IL15: variants seen among roughly 807,000 people sequenced by gnomAD.
IL15 encodes interleukin 15, also known as interleukin-15.
In IL15, 11 loss-of-function variants were observed where a neutral mutation model predicts 19.6. That is an observed-to-expected ratio of 0.56 (90% CI 0.35 to 0.93). The LOEUF (loss-of-function observed/expected upper bound fraction) is 0.93, where lower values mean the gene tolerates loss of function less well. Ranked by LOEUF, IL15 falls within the 40% of genes least tolerant of loss-of-function variation. IL15 has a pLI of 0.01. For synonymous variants in IL15, 58 were observed against 59.6 expected (o/e 0.97, Z 0.12); for missense variants, 197 against 186.5 (o/e 1.06, Z -0.33).
intron 2 of IL15, among the ~76,000 whole-genome samples, chr4:141,702,168 G>T (rs1475041627): frequency 6.6e-6 from 1 of 152,186 alleles, no homozygotes; most frequent in Non-Finnish European, 1.5e-5. Context: ...TTGGGTCACT[G>T]CTGAAAGAAA....
intron 2 of IL15, among the ~76,000 whole-genome samples, chr4:141,672,490 A>G (rs1219692150): frequency 6.6e-6 from 1 of 152,218 alleles, no homozygotes; most frequent in Non-Finnish European, 1.5e-5. Context: ...ACCGCACCGC[A>G]AAGTATTATG....
chr4:141,674,563 GTGAC>G (rs1376495458), intron 2 of IL15, among the ~76,000 whole-genome samples: 1 of 146,240 alleles, frequency 6.8e-6, no homozygotes, highest in Non-Finnish European at 1.5e-5. Flanking sequence ...TCCAGCCTGA[GTGAC>G]AGAGAAGACT....
intron 2 of IL15, among the ~76,000 whole-genome samples, chr4:141,667,797 GTA>G (rs1191519785): frequency 6.6e-6 from 1 of 152,092 alleles, no homozygotes; most frequent in African/African-American, 2.4e-5. Context: ...GTATCCTAAT[GTA>G]TATAATACTT....
chr4:141,693,037 A>AAAAAAAAAAAAAAAAAAAAAAAAT (rs1318447622), intron 2 of IL15, among the ~76,000 whole-genome samples: 2 of 148,414 alleles, frequency 1.3e-5, no homozygotes, highest in African/African-American at 5.0e-5. Context: ...AAAAAAAAAA[A>AAAAAAAAAAAAAAAAAAAAAAAAT]AAAAAGATAC....
intron 2 of IL15, among the ~76,000 whole-genome samples, chr4:141,664,390 C>CACACACACAAAA (rs1553987455): frequency 7.2e-6 from 1 of 139,458 alleles, no homozygotes; most frequent in Non-Finnish European, 1.6e-5. Flanking sequence ...CACACACACA[C>CACACACACAAAA]AAAACCAACA....
chr4:141,709,289 A>T (rs543014026), intron 2 of IL15, among the ~76,000 whole-genome samples: 9 of 152,220 alleles, frequency 5.9e-5, no homozygotes, highest in African/African-American at 2.2e-4. Context: ...AATATTCTGT[A>T]TGTTTATTTT....
intron 4 of IL15, chr4:141,721,441 G>A: frequency 1.6e-6 from 1 of 617,092 alleles, no homozygotes; most frequent in Admixed American, 2.1e-5. Flanking sequence ...AAGAGTGTGA[G>A]CAACATGAAA....
intron 2 of IL15, among the ~76,000 whole-genome samples, chr4:141,672,722 C>A (rs974558810): frequency 6.6e-6 from 1 of 152,140 alleles, no homozygotes; most frequent in Non-Finnish European, 1.5e-5. Context: ...AGCATTATAA[C>A]AAAGAAAAAC....
intron 2 of IL15, among the ~76,000 whole-genome samples, chr4:141,668,833 T>C (rs1728078741): frequency 6.6e-6 from 1 of 152,190 alleles, no homozygotes; most frequent in Non-Finnish European, 1.5e-5. Flanking sequence ...TTAGGAAAGC[T>C]AGACAATAGG....
intron 1 of IL15, among the ~76,000 whole-genome samples, chr4:141,643,377 TTC>T (rs1235856430): frequency 1.3e-5 from 2 of 152,182 alleles, no homozygotes; most frequent in East Asian, 3.8e-4. Flanking sequence ...CTTAACTATA[TTC>T]TCTGTTTCCA....
At chr4:141,669,010 C>A (rs1728085139) in intron 2 of IL15, among the ~76,000 whole-genome samples, 1 of 152,064 alleles carries the variant, frequency 6.6e-6, no homozygotes, top group Admixed American at 6.6e-5. Context: ...GATTTGTCAT[C>A]TTAATGGCAA....
chr4:141,658,490 G>T (rs1048018716), intron 2 of IL15, among the ~76,000 whole-genome samples: 1 of 152,008 alleles, frequency 6.6e-6, no homozygotes, highest in South Asian at 2.1e-4. Flanking sequence ...TCATTATGGG[G>T]CGTGTGACTT....
At chr4:141,697,267 G>T (rs1729128467) in intron 2 of IL15, among the ~76,000 whole-genome samples, 1 of 151,952 alleles carries the variant, frequency 6.6e-6, no homozygotes, top group Non-Finnish European at 1.5e-5. Flanking sequence ...TGAGTAGGAT[G>T]TTCTTTCCCC....
chr4:141,706,719 T>A (rs1042034219), intron 2 of IL15, among the ~76,000 whole-genome samples: 1 of 151,030 alleles, frequency 6.6e-6, no homozygotes, highest in Admixed American at 6.6e-5. Context: ...TTTTTTTTTT[T>A]AATTTTCAGC....
Position 141,729,974 on chromosome 4 carries a change from C to T in IL15, c.368C>T (p.Ser123Phe). ...NLIILANNSL[S>F]SNGNVTESGC... is the part of the protein sequence containing the mutation. ...ATCATCCTAGCAAACAACAGTTTGTCTTCTAATGGGGTGAGTTTTCCAACA... is the reference window on the plus strand; with the variant it reads ...ATCATCCTAGCAAACAACAGTTTGTTTTCTAATGGGGTGAGTTTTCCAACA... Residue 123 changes from serine to phenylalanine, a missense_variant, in exon 7 of 8, where the codon TCT becomes TTT. Coordinates refer to ENST00000320650, the MANE Select transcript of IL15 (RefSeq NM_000585.5). 2 of 1,609,372 alleles carry T rather than the reference C, an allele frequency of 1.2e-6. No homozygotes were observed. The highest frequency in any genetic ancestry group is 1.7e-6 in the Non-Finnish European group (2 of 1,176,038).
intron 2 of IL15, among the ~76,000 whole-genome samples, chr4:141,675,281 C>T (rs560638256): frequency 6.6e-6 from 1 of 152,034 alleles, no homozygotes; most frequent in Non-Finnish European, 1.5e-5. Flanking sequence ...ACAAATCTAT[C>T]ATTAAAAGTT....
intron 2 of IL15, among the ~76,000 whole-genome samples, chr4:141,660,062 T>A (rs1354924893): frequency 6.6e-6 from 1 of 152,196 alleles, no homozygotes; most frequent in Non-Finnish European, 1.5e-5. Context: ...TGGTGAGCTC[T>A]GCTCTTACTG....
intron 2 of IL15, among the ~76,000 whole-genome samples, chr4:141,691,275 C>G (rs1305183275): frequency 1.3e-5 from 2 of 152,192 alleles, no homozygotes; most frequent in African/African-American, 4.8e-5. Flanking sequence ...CCTCCCTCAA[C>G]ATGTGGGGAT....
intron 2 of IL15, among the ~76,000 whole-genome samples, chr4:141,675,994 A>G (rs1230715930): frequency 1.3e-5 from 2 of 152,192 alleles, no homozygotes; most frequent in East Asian, 3.8e-4. Context: ...TACAGACAAA[A>G]GTGTCTACTC....
Sources: gnomAD v4.1 joint callset for allele counts (sites outside exome capture counted in the v4.1 genomes callset) on GRCh38, gnomAD v4.1.1 for gene constraint, MANE v1.5 for transcripts, NCBI Gene and HGNC (gene_info 2026-07-23, HGNC 2026-07-21) for gene names.